Variants in SPHKAP observed in about 807,000 individuals in gnomAD.
The protein encoded by SPHKAP is SPHK1 interactor, AKAP domain containing.
Under a neutral mutation model 137.5 loss-of-function variants are expected in SPHKAP, and 67 were observed. That is an observed-to-expected ratio of 0.49 (90% CI 0.40 to 0.60). SPHKAP has a LOEUF of 0.60. SPHKAP is among the 20% of genes least tolerant of loss of function. SPHKAP has a pLI of 0.00. For missense variants in SPHKAP, 2,097 were observed against 2,069.3 expected, an observed-to-expected ratio of 1.01 and a Z score of -0.26; for synonymous variants, 813 against 785.3, an observed-to-expected ratio of 1.04 and a Z score of -0.59.
chr2:228,071,229 C>T (rs1407844627), intron 3 of SPHKAP, among the ~76,000 whole-genome samples: 2 of 152,174 alleles, frequency 1.3e-5, no homozygotes, highest in African/African-American at 2.4e-5. Context: ...TGCCTTAAAT[C>T]TTGGTGCTTG....
chr2:228,144,817 A>C (rs1247217594), intron 1 of SPHKAP, among the ~76,000 whole-genome samples: 1 of 152,202 alleles, frequency 6.6e-6, no homozygotes, highest in East Asian at 1.9e-4. Context: ...CATGGGTCCC[A>C]CCAAAGATAA....
At chr2:228,063,174 A>ATCTATCTGTCTGTCTGTCTG (rs756046439) in intron 3 of SPHKAP, among the ~76,000 whole-genome samples, 74 of 147,278 alleles carry the variant, frequency 5.0e-4, no homozygotes, top group African/African-American at 1.8e-3. Context: ...CTATCTATCT[A>ATCTATCTGTCTGTCTGTCTG]TCTGTCTGTC....
intron 3 of SPHKAP, among the ~76,000 whole-genome samples, chr2:228,032,772 A>G (rs886881749): frequency 4.6e-5 from 7 of 152,310 alleles, no homozygotes; most frequent in East Asian, 1.9e-4. Flanking sequence ...ATATCCAGCC[A>G]AACTAAGCTT....
chr2:227,995,616 A>T lies in SPHKAP; in HGVS notation c.4527T>A (p.Pro1509=). ...EARAPDEAPN[P]PSSSEESTGS... is the part of the protein sequence containing the mutation. The stretch of plus-strand genomic sequence containing the variant: ...CTGTGCTCTCCTCGCTGCTGCTTGG[A>T]GGGTTGGGGGCCTCATCGGGGGCTC... The change falls in exon 8 of 12, where the codon CCT becomes CCA. Residue 1509 remains proline, a synonymous_variant. Coordinates refer to ENST00000392056, the MANE Select transcript of SPHKAP (RefSeq NM_001142644.2). The T allele has an allele frequency of 6.2e-7, 1 of 1,613,758 alleles. No individual in the cohort carries two copies. Among genetic ancestry groups the T allele is most frequent in the Non-Finnish European group, 8.5e-7 (1 of 1,179,918 alleles).
At chr2:228,090,449 A>T (rs555217609) in intron 3 of SPHKAP, among the ~76,000 whole-genome samples, 44 of 152,274 alleles carry the variant, frequency 2.9e-4, no homozygotes, top group African/African-American at 1.0e-3. Flanking sequence ...GACTTTGGAC[A>T]CTGGACTTCG....
At chr2:228,105,832 G>A (rs555409789) in intron 3 of SPHKAP, among the ~76,000 whole-genome samples, 4 of 152,110 alleles carry the variant, frequency 2.6e-5, no homozygotes, top group South Asian at 4.1e-4. Context: ...CCCCAGCCAC[G>A]TGGAACTGTG....
Position 228,031,307 on chromosome 2 carries a change from C to T in SPHKAP, c.247-3764G>A, listed in dbSNP as rs191081558. Among the ~76,000 whole-genome samples the T allele has an allele frequency of 2.0e-4, 31 of 152,250 alleles. 1 individual carries two copies. The highest frequency in any genetic ancestry group is 1.0e-3 in the Admixed American group (16 of 15,306). The stretch of plus-strand genomic sequence containing the variant: ...CTGAGATCAAACTGCAAGGCAGCAG[C>T]GAGGCTGGGGGAGGGGTGTTGGCCA... On this transcript the variant is annotated intron_variant, in intron 3 of 11. Transcript: ENST00000392056.
intron 3 of SPHKAP, among the ~76,000 whole-genome samples, chr2:228,084,624 C>T (rs1697481799): frequency 6.6e-6 from 1 of 152,094 alleles, no homozygotes; most frequent in African/African-American, 2.4e-5. Context: ...AAATGTTCAC[C>T]ATTGATTAAT....
At chr2:228,084,646 C>G (rs1365442347) in intron 3 of SPHKAP, among the ~76,000 whole-genome samples, 1 of 152,126 alleles carries the variant, frequency 6.6e-6, no homozygotes, top group African/African-American at 2.4e-5. Flanking sequence ...TTGAGAAGTG[C>G]TTTCATATGC....
At chr2:228,013,941 A>G (rs1253528972) in intron 7 of SPHKAP, among the ~76,000 whole-genome samples, 1 of 152,204 alleles carries the variant, frequency 6.6e-6, no homozygotes, top group African/African-American at 2.4e-5. Context: ...GGAAAACCAA[A>G]CCAGAAATCA....
At chr2:228,069,293 G>A (rs529328626) in intron 3 of SPHKAP, among the ~76,000 whole-genome samples, 1 of 152,124 alleles carries the variant, frequency 6.6e-6, no homozygotes, top group Non-Finnish European at 1.5e-5. Context: ...ACTGGGCAAA[G>A]ACATGATGTA....
intron 1 of SPHKAP, among the ~76,000 whole-genome samples, chr2:228,144,477 A>T (rs1291683685): frequency 6.6e-6 from 1 of 152,158 alleles, no homozygotes; most frequent in Non-Finnish European, 1.5e-5. Context: ...TCATATATAG[A>T]AACATGAAAA....
At chr2:228,002,971 C>A (rs1256875632) in intron 7 of SPHKAP, among the ~76,000 whole-genome samples, 2 of 150,124 alleles carry the variant, frequency 1.3e-5, no homozygotes, top group Non-Finnish European at 3.0e-5. Context: ...GTTACTGTAG[C>A]CTTGTAGTAT....
intron 2 of SPHKAP, among the ~76,000 whole-genome samples, chr2:228,126,576 G>A (rs1332798552): frequency 6.6e-6 from 1 of 152,124 alleles, no homozygotes; most frequent in East Asian, 1.9e-4. Flanking sequence ...CCAGAGATGG[G>A]ATGACCATAT....
Position 228,132,169 on chromosome 2 carries a change from G to A in SPHKAP, c.33-84C>T. ...TAAATAATAAGTAAATCACAACATG[G>A]TGTATCAAAAATCATCTTTTTCAGA... On this transcript the variant is annotated intron_variant, in intron 1 of 11. Transcript: ENST00000392056. 3.5e-6 allele frequency: 4 copies of A among 1,155,914 alleles called. No homozygotes were observed. The East Asian group carries it at 9.5e-5, about 27-fold the overall frequency. The allele number at this position is 1,155,914 out of a possible 1,614,324, so 71.6% of individuals were successfully genotyped here. A position where few individuals can be genotyped will look rare whatever the true frequency, so the allele number is the denominator to read the frequency against.
chr2:228,061,065 T>A (rs1482600653), intron 3 of SPHKAP, among the ~76,000 whole-genome samples: 1 of 152,106 alleles, frequency 6.6e-6, no homozygotes, highest in Non-Finnish European at 1.5e-5. Context: ...TTTCGATATG[T>A]GTGCTCCAGA....
chr2:228,127,896 T>A (rs887506301), intron 2 of SPHKAP, among the ~76,000 whole-genome samples: 1 of 152,134 alleles, frequency 6.6e-6, no homozygotes, highest in East Asian at 1.9e-4. Flanking sequence ...AAGTGTAAAA[T>A]AGCATTATAA....
Position 228,018,586 on chromosome 2 carries a change from C to G in SPHKAP, c.2268G>C (p.Pro756=), listed in dbSNP as rs770407283. 2.5e-6 allele frequency: 4 copies of G among 1,613,888 alleles called. No individual in the cohort carries two copies. Among genetic ancestry groups the G allele is most frequent in the Non-Finnish European group, 2.5e-6 (3 of 1,179,860 alleles). Residue 756 remains proline, a synonymous_variant, in exon 7 of 12, where the codon CCG becomes CCC. Coordinates refer to ENST00000392056, the MANE Select transcript of SPHKAP (RefSeq NM_001142644.2). ...ETEPSCQPSD[P]GASQAWTKAT... ...CTTTTGTCCAAGCTTGACTAGCACCCGGATCAGATGGCTGGCAGCTTGGTT... is the reference window on the plus strand; with the variant it reads ...CTTTTGTCCAAGCTTGACTAGCACCGGGATCAGATGGCTGGCAGCTTGGTT...
intron 3 of SPHKAP, among the ~76,000 whole-genome samples, chr2:228,032,403 G>A (rs1695370717): frequency 6.6e-6 from 1 of 152,210 alleles, no homozygotes; most frequent in Admixed American, 6.5e-5. Context: ...ATCTACGTCT[G>A]ATTGCTGTAC....
Sources: gnomAD v4.1 joint callset for allele counts (sites outside exome capture counted in the v4.1 genomes callset) on GRCh38, gnomAD v4.1.1 for gene constraint, MANE v1.5 for transcripts, NCBI Gene and HGNC (gene_info 2026-07-23, HGNC 2026-07-21) for gene names.